The following VAMP7 variants were observed in gnomAD, a reference collection of about 807,000 sequenced individuals.
VAMP7 encodes vesicle associated membrane protein 7, also known as vesicle-associated membrane protein 7.
VAMP7 carries 14 observed loss-of-function variants against 29.6 expected under a neutral mutation model. The ratio of observed to expected loss-of-function variants is 0.47; its 90% CI spans 0.31 to 0.74. VAMP7 has a LOEUF of 0.74. Ranked by LOEUF, VAMP7 falls within the 30% of genes least tolerant of loss-of-function variation. The pLI, the probability that VAMP7 is intolerant of heterozygous loss-of-function variation, is 0.05. For missense variants in VAMP7, 223 were observed against 262.4 expected, an observed-to-expected ratio of 0.85 and a Z score of 1.04; for synonymous variants, 95 against 88.1, an observed-to-expected ratio of 1.08 and a Z score of -0.44.
intron 1 of VAMP7, among the ~76,000 whole-genome samples, chrX:155,885,163 T>C (rs2065850623): frequency 6.6e-6 from 1 of 152,186 alleles, no homozygotes; most frequent in African/African-American, 2.4e-5. Context: ...ATAGCATATC[T>C]TTTTTTAGAA....
At chrX:155,902,206 G>T (rs1429282685) in intron 5 of VAMP7, among the ~76,000 whole-genome samples, 2 of 151,830 alleles carry the variant, frequency 1.3e-5, no homozygotes, top group Admixed American at 1.3e-4. Context: ...TGTGATTTTT[G>T]TACATTGATT....
chrX:155,930,642 C>T (rs1401924596), intron 6 of VAMP7, among the ~76,000 whole-genome samples: 1 of 150,214 alleles, frequency 6.7e-6, no homozygotes, highest in Admixed American at 6.6e-5. Flanking sequence ...AGAGGGGTGA[C>T]CTCCATCTCA....
chrX:155,882,175 AC>A (rs976912053), intron 1 of VAMP7, among the ~76,000 whole-genome samples: 36 of 152,236 alleles, frequency 2.4e-4, no homozygotes, highest in African/African-American at 8.7e-4. Context: ...CCCTTTGAAT[AC>A]CTGTGGCTGA....
At chrX:155,895,542 G>A (rs754085295) in intron 2 of VAMP7, 81 bp from the exon 3 acceptor site, 37 of 1,002,958 alleles carry the variant, frequency 3.7e-5, no homozygotes, top group African/African-American at 3.2e-4. Context: ...AGTACTGAAC[G>A]TGCTTATACA....
chrX:155,941,400 A>G (rs1163141442), intron 7 of VAMP7, among the ~76,000 whole-genome samples: 1 of 152,154 alleles, frequency 6.6e-6, no homozygotes, highest in Non-Finnish European at 1.5e-5. Flanking sequence ...AACAGTTCGT[A>G]GCAGTGTTCT....
chrX:155,939,051 T>C (rs1020928133), intron 6 of VAMP7, among the ~76,000 whole-genome samples: 4 of 143,964 alleles, frequency 2.8e-5, no homozygotes, highest in African/African-American at 7.9e-5. Flanking sequence ...TCCAAAACAT[T>C]TTTTTATATG....
At chrX:155,913,730 A>G (rs183695162) in intron 5 of VAMP7, among the ~76,000 whole-genome samples, 48 of 152,176 alleles carry the variant, frequency 3.2e-4, no homozygotes, top group African/African-American at 1.0e-3. Context: ...CCATTGGTCT[A>G]TGTATCTGTT....
intron 2 of VAMP7, among the ~76,000 whole-genome samples, chrX:155,891,313 C>A (rs2065923078): frequency 6.6e-6 from 1 of 152,160 alleles, no homozygotes; most frequent in African/African-American, 2.4e-5. Flanking sequence ...TTTCAGTGAA[C>A]CTTTCTTCCC....
chrX:155,894,336 T>A (rs779844556), intron 2 of VAMP7, among the ~76,000 whole-genome samples: 1 of 151,088 alleles, frequency 6.6e-6, no homozygotes, highest in South Asian at 2.1e-4. Context: ...TGTGTCCTTT[T>A]TAAAGTGCAA....
At chrX:155,922,171 A>G (rs1253082886) in intron 6 of VAMP7, among the ~76,000 whole-genome samples, 1 of 151,968 alleles carries the variant, frequency 6.6e-6, no homozygotes, top group Non-Finnish European at 1.5e-5. Context: ...CAACCTTAGA[A>G]AAATTCATTT....
At chrX:155,939,150 T>TTTTGTTTTAAACTCC (rs1335862795) in intron 6 of VAMP7, among the ~76,000 whole-genome samples, 2 of 152,186 alleles carry the variant, frequency 1.3e-5, no homozygotes, top group Admixed American at 1.3e-4. Flanking sequence ...TTGTTTGCCA[T>TTTTGTTTTAAACTCC]TTTGTTTTAA....
intron 1 of VAMP7, among the ~76,000 whole-genome samples, chrX:155,882,852 G>A (rs1187338583): frequency 1.3e-5 from 2 of 152,082 alleles, no homozygotes; most frequent in South Asian, 2.1e-4. Context: ...GGGAAAATAG[G>A]GTAAAATAGA....
intron 5 of VAMP7, 128 bp from the exon 6 acceptor site, chrX:155,919,685 T>C (rs940609424): frequency 1.8e-5 from 14 of 770,894 alleles, no homozygotes; most frequent in Admixed American, 8.0e-5. Context: ...GTGTCACCAG[T>C]GGGTGAAGCA....
intron 6 of VAMP7, among the ~76,000 whole-genome samples, chrX:155,921,753 A>G (rs1454840176): frequency 1.3e-5 from 2 of 151,888 alleles, no homozygotes; most frequent in Non-Finnish European, 2.9e-5. Flanking sequence ...AAGTCTTCCA[A>G]CTATATTCTT....
intron 1 of VAMP7, among the ~76,000 whole-genome samples, chrX:155,884,858 C>T (rs2065847595): frequency 6.6e-6 from 1 of 152,206 alleles, no homozygotes; most frequent in Non-Finnish European, 1.5e-5. Flanking sequence ...GAAGATGCTT[C>T]TGCTGAGGAG....
chrX:155,916,423 G>A (rs754033878), intron 5 of VAMP7, among the ~76,000 whole-genome samples: 2 of 152,274 alleles, frequency 1.3e-5, no homozygotes, highest in South Asian at 4.1e-4. Context: ...TATTTTGCTT[G>A]TTAGTCGATA....
At chrX:155,934,935 G>T (rs985221963) in intron 6 of VAMP7, among the ~76,000 whole-genome samples, 2 of 152,070 alleles carry the variant, frequency 1.3e-5, no homozygotes, top group African/African-American at 4.8e-5. Flanking sequence ...GTCTGTAAAG[G>T]ATTTTATTTT....
intron 6 of VAMP7, among the ~76,000 whole-genome samples, chrX:155,932,189 A>G (rs1303285503): frequency 6.6e-6 from 1 of 152,112 alleles, no homozygotes. Flanking sequence ...TTGGCAATGC[A>G]GGCTCTTTTT....
chrX:155,901,193 A>G (rs147391830), intron 5 of VAMP7, among the ~76,000 whole-genome samples: 3 of 152,006 alleles, frequency 2.0e-5, no homozygotes, highest in African/African-American at 7.2e-5. Context: ...CTTGAGATTA[A>G]TTATCAGGAA....
Sources: gnomAD v4.1 joint callset for allele counts (sites outside exome capture counted in the v4.1 genomes callset) on GRCh38, gnomAD v4.1.1 for gene constraint, MANE v1.5 for transcripts, NCBI Gene and HGNC (gene_info 2026-07-23, HGNC 2026-07-21) for gene names.